Variants in CNTNAP2 observed in about 807,000 individuals in gnomAD.
CNTNAP2 encodes contactin-associated protein-like 2.
CNTNAP2 carries 98 observed loss-of-function variants against 155.2 expected under a neutral mutation model. The observed-to-expected ratio is 0.63, with a 90% CI of 0.54 to 0.75. The LOEUF is 0.75. Ranked by LOEUF, CNTNAP2 falls within the 30% of genes least tolerant of loss-of-function variation. The pLI is 0.00. For synonymous variants in CNTNAP2, 651 were observed against 631.2 expected (o/e 1.03, Z -0.47); for missense variants, 1,727 against 1,688.1 (o/e 1.02, Z -0.40).
At chr7:148,222,776 C>G (rs148836608) in intron 19 of CNTNAP2, among the ~76,000 whole-genome samples, 8 of 152,176 alleles carry the variant, frequency 5.3e-5, no homozygotes, top group African/African-American at 1.4e-4. Context: ...TCCAGCAAAA[C>G]CAGGAGAGAC....
intron 1 of CNTNAP2, among the ~76,000 whole-genome samples, chr7:146,138,756 T>C (rs1024780242): frequency 1.3e-5 from 2 of 152,156 alleles, no homozygotes; most frequent in African/African-American, 2.4e-5. Flanking sequence ...GACATTTCTT[T>C]ATAAATGCAA....
At position 148,409,501 on chromosome 7, in the gene CNTNAP2, G is replaced by A. The variant is rs774318243; in HGVS notation, c.3796+30G>A. On this transcript the variant is annotated intron_variant, in intron 23 of 23. Coordinates refer to ENST00000361727, the MANE Select transcript of CNTNAP2 (RefSeq NM_014141.6). ...GTGATGTCTAGAGGAGGCTTATATG[G>A]GGCTACTCAACTATGGAAAGTAATA... 9 of 1,574,474 alleles carry A rather than the reference G, an allele frequency of 5.7e-6. No homozygotes were observed. The African/African-American group carries it at 9.5e-5, about 17-fold the overall frequency.
At chr7:146,882,411 A>C (rs1400743603) in intron 3 of CNTNAP2, among the ~76,000 whole-genome samples, 1 of 151,940 alleles carries the variant, frequency 6.6e-6, no homozygotes, top group Admixed American at 6.6e-5. Flanking sequence ...TAGGGGAGGG[A>C]CTTCATGGGA....
intron 13 of CNTNAP2, among the ~76,000 whole-genome samples, chr7:147,747,256 T>A (rs1797059472): frequency 6.6e-6 from 1 of 152,202 alleles, no homozygotes; most frequent in African/African-American, 2.4e-5. Flanking sequence ...GTCTTGGTTT[T>A]GATGATTTTT....
rs796565747 is a variant in CNTNAP2, at chr7:147,316,602, A to G, written c.1498+16312A>G. Among the ~76,000 whole-genome samples the G allele has an allele frequency of 1.6e-4, 25 of 152,316 alleles. 2 individuals are homozygous for G. Among genetic ancestry groups the G allele is most frequent in the African/African-American group, 6.0e-4 (25 of 41,582 alleles). Reference sequence around the variant, plus strand: ...CACTTATTAAAATCAATTTATTAAGATTTAAATACATATAGTAAAATTTAG... The same window carrying G: ...CACTTATTAAAATCAATTTATTAAGGTTTAAATACATATAGTAAAATTTAG... On this transcript the variant is annotated intron_variant, in intron 9 of 23. Transcript: ENST00000361727.
intron 4 of CNTNAP2, among the ~76,000 whole-genome samples, chr7:147,086,324 A>C (rs1284653259): frequency 6.6e-6 from 1 of 152,208 alleles, no homozygotes; most frequent in Non-Finnish European, 1.5e-5. Context: ...CAGAGAAGCA[A>C]AAGTATAAAA....
chr7:147,554,329 C>A (rs567901862), intron 11 of CNTNAP2, among the ~76,000 whole-genome samples: 1 of 150,858 alleles, frequency 6.6e-6, no homozygotes, highest in African/African-American at 2.4e-5. Context: ...GATACAGGGG[C>A]AAAGAGTCCT....
intron 19 of CNTNAP2, among the ~76,000 whole-genome samples, chr7:148,221,061 G>T (rs565716211): frequency 6.6e-6 from 1 of 151,864 alleles, no homozygotes; most frequent in Non-Finnish European, 1.5e-5. Context: ...AACTGTATTC[G>T]CTACCTCACA....
rs376649286 is a variant in CNTNAP2, at chr7:148,150,554, A to G, written c.2773+2845A>G. ...TAGAGTGAGACTCTGTCTCAGAAAAAAAAAACAAGACTCTAAAACTAACAC... is the reference window on the plus strand; with the variant it reads ...TAGAGTGAGACTCTGTCTCAGAAAAGAAAAACAAGACTCTAAAACTAACAC... On this transcript the variant is annotated intron_variant, in intron 17 of 23. Transcript: ENST00000361727. 1.8e-4 allele frequency among the ~76,000 whole-genome samples: 28 copies of G among 152,108 alleles called. No homozygotes were observed. The South Asian group carries it at 5.8e-3, about 32-fold the overall frequency.
chr7:146,360,492 C>T (rs866001577), intron 1 of CNTNAP2, among the ~76,000 whole-genome samples: 3 of 152,092 alleles, frequency 2.0e-5, no homozygotes, highest in East Asian at 1.9e-4. Flanking sequence ...ATATCACATG[C>T]GAAATCCAAG....
At chr7:147,675,351 G>A (rs116383218) in intron 13 of CNTNAP2, among the ~76,000 whole-genome samples, 1,534 of 152,036 alleles carry the variant, frequency 0.01, 28 homozygotes, top group African/African-American at 0.035. Context: ...TTCAATTTCC[G>A]AATAAGATCA....
chr7:148,278,308 T>C (rs776287624), intron 21 of CNTNAP2, among the ~76,000 whole-genome samples: 22 of 152,050 alleles, frequency 1.4e-4, no homozygotes, highest in Non-Finnish European at 1.0e-4. Context: ...GGCTCACGCC[T>C]GTAATCCCAG....
At chr7:146,653,454 A>G (rs1007651396) in intron 1 of CNTNAP2, among the ~76,000 whole-genome samples, 8 of 152,176 alleles carry the variant, frequency 5.3e-5, no homozygotes, top group African/African-American at 1.9e-4. Flanking sequence ...TTTTCAATCT[A>G]CAGAGAATGT....
At chr7:148,060,318 G>A (rs547304475) in intron 15 of CNTNAP2, among the ~76,000 whole-genome samples, 5 of 151,904 alleles carry the variant, frequency 3.3e-5, no homozygotes, top group African/African-American at 1.2e-4. Context: ...TTTGCTTATT[G>A]TTTTTAAGTG....
chr7:148,307,232 C>T (rs765893675), intron 21 of CNTNAP2, among the ~76,000 whole-genome samples: 6 of 152,174 alleles, frequency 3.9e-5, no homozygotes, highest in East Asian at 1.9e-4. Context: ...GAGAATACAT[C>T]GTTCCTCTTC....
At chr7:148,385,762 GAGAC>G (rs56333956) in intron 22 of CNTNAP2, among the ~76,000 whole-genome samples, 46,661 of 102,458 alleles carry the variant, frequency 0.46, 8,040 homozygotes, top group Middle Eastern at 0.5. Context: ...TTTTTTTTTG[GAGAC>G]AGACAGAGTC....
intron 13 of CNTNAP2, among the ~76,000 whole-genome samples, chr7:147,855,121 A>T (rs186455651): frequency 6.6e-6 from 1 of 152,252 alleles, no homozygotes; most frequent in Non-Finnish European, 1.5e-5. Flanking sequence ...CTCACATTGT[A>T]TTTCTATTAG....
chr7:147,368,589 G>A (rs1009854202), intron 9 of CNTNAP2, among the ~76,000 whole-genome samples: 35 of 152,100 alleles, frequency 2.3e-4, no homozygotes, highest in African/African-American at 8.2e-4. Flanking sequence ...GGTCAGAGCT[G>A]GAAGGGTCAG....
In CNTNAP2 at chr7:146,839,910, T is replaced by G; in HGVS notation, c.402+6T>G. On this transcript the variant is annotated splice_donor_region_variant and intron_variant, in intron 3 of 23. Coordinates refer to ENST00000361727, the MANE Select transcript of CNTNAP2 (RefSeq NM_014141.6). ...ATCAAGATGGGAATATCTGGGTAAG[T>G]CATTGGCAGGAAAGCAAAGACACAG... is the stretch of plus-strand genomic sequence containing the variant. The G allele has an allele frequency of 6.2e-7, 1 of 1,613,988 alleles. No individual in the cohort carries two copies. The highest frequency in any genetic ancestry group is 1.1e-5 in the South Asian group (1 of 91,050).
Sources: allele counts gnomAD v4.1 joint callset (sites outside exome capture counted in the v4.1 genomes callset), GRCh38; gene constraint gnomAD v4.1.1; transcripts MANE v1.5; gene names NCBI Gene and HGNC (gene_info 2026-07-23, HGNC 2026-07-21).